The following CHCHD6 variants were observed in gnomAD, a reference collection of about 807,000 sequenced individuals.
CHCHD6 encodes the protein coiled-coil-helix-coiled-coil-helix domain containing 6, also known as MICOS complex subunit MIC25.
A neutral mutation model predicts 32.3 loss-of-function variants in CHCHD6; 28 were observed. The ratio of observed to expected loss-of-function variants is 0.87; its 90% CI spans 0.64 to 1.19. The LOEUF (loss-of-function observed/expected upper bound fraction) is 1.19, where lower values mean the gene tolerates loss of function less well. Ranked by LOEUF, CHCHD6 falls within the 50% of genes most tolerant of loss-of-function variation. The probability of loss-of-function intolerance (pLI) is 0.00; values close to 1 mark genes in which losing one functional copy is unlikely to be tolerated. For synonymous variants in CHCHD6, 122 were observed against 117.5 expected (o/e 1.04, Z -0.25); for missense variants, 333 against 307.0 (o/e 1.08, Z -0.63).
At chr3:126,782,886 T>A (rs1938014439) in intron 4 of CHCHD6, among the ~76,000 whole-genome samples, 1 of 152,144 alleles carries the variant, frequency 6.6e-6, no homozygotes, top group Admixed American at 6.5e-5. Flanking sequence ...GGGGAATGGA[T>A]GCTGGGCAGG....
At chr3:126,837,668 G>A (rs1023766025) in intron 4 of CHCHD6, among the ~76,000 whole-genome samples, 8 of 152,284 alleles carry the variant, frequency 5.3e-5, no homozygotes, top group Non-Finnish European at 1.0e-4. Flanking sequence ...GTAATAAATG[G>A]TCACTGTTGC....
At chr3:126,870,423 G>A (rs149586523) in intron 5 of CHCHD6, among the ~76,000 whole-genome samples, 52 of 152,048 alleles carry the variant, frequency 3.4e-4, no homozygotes, top group African/African-American at 1.2e-3. Flanking sequence ...GCTGACTTGG[G>A]TTTTTTCCCC....
At chr3:126,878,790 GGA>G (rs1218562703) in intron 5 of CHCHD6, among the ~76,000 whole-genome samples, 3 of 152,206 alleles carry the variant, frequency 2.0e-5, no homozygotes, top group Non-Finnish European at 2.9e-5. Flanking sequence ...AGCAGGGAAG[GGA>G]TATGGTTGCA....
rs559233607 is a variant in CHCHD6, at chr3:126,874,425, A to G, written c.495+21695A>G. ...CAACGTCTGGGCAGGGAGAGGGCAC[A>G]AGCAGCTGAGCCCGTCAGGATGTGT... On this transcript the variant is annotated intron_variant, in intron 5 of 7. Coordinates refer to ENST00000290913, the MANE Select transcript of CHCHD6 (RefSeq NM_032343.3). Among the ~76,000 whole-genome samples the G allele has an allele frequency of 2.0e-5, 3 of 152,264 alleles. No individual in the cohort carries two copies. The East Asian group carries it at 5.8e-4, about 30-fold the overall frequency.
At chr3:126,833,082 G>T (rs879649601) in intron 4 of CHCHD6, among the ~76,000 whole-genome samples, 1 of 152,218 alleles carries the variant, frequency 6.6e-6, no homozygotes, top group Non-Finnish European at 1.5e-5. Flanking sequence ...GTAGTCTGTT[G>T]CATGTGTGCA....
At chr3:126,764,200 CATATAT>C (rs143293559) in intron 4 of CHCHD6, among the ~76,000 whole-genome samples, 717 of 139,806 alleles carry the variant, frequency 5.1e-3, no homozygotes, top group Non-Finnish European at 8.3e-3. Flanking sequence ...TACATACATG[CATATAT>C]ATATATATAT....
intron 4 of CHCHD6, among the ~76,000 whole-genome samples, chr3:126,824,581 A>AAAAAAAAAAAAAT (rs1940306562): frequency 6.8e-6 from 1 of 147,386 alleles, no homozygotes; most frequent in African/African-American, 2.5e-5. Context: ...AAAAAAAAAA[A>AAAAAAAAAAAAAT]GTCAAATGTT....
chr3:126,959,599 C>T lies in CHCHD6; in HGVS notation c.703-597C>T, dbSNP rs895177259. Among the ~76,000 whole-genome samples, 3 of 152,336 alleles carry T rather than the reference C, an allele frequency of 2.0e-5. 1 individual carries two copies. Reference sequence around the variant, plus strand: ...CATGGTCAAGGGCCTTGGGGTGGGGCAGCACTGCTTCTCTCTCCAGGATCT... The same window carrying T: ...CATGGTCAAGGGCCTTGGGGTGGGGTAGCACTGCTTCTCTCTCCAGGATCT... On this transcript the variant is annotated intron_variant, in intron 7 of 7. Coordinates refer to ENST00000290913, the MANE Select transcript of CHCHD6 (RefSeq NM_032343.3).
chr3:126,898,135 T>G (rs1189946790), intron 5 of CHCHD6, among the ~76,000 whole-genome samples: 2 of 152,260 alleles, frequency 1.3e-5, no homozygotes, highest in African/African-American at 4.8e-5. Context: ...CAGGACCCAG[T>G]GCAAGGTCAG....
rs570415301 is a variant in CHCHD6, at chr3:126,889,567, T to C, written c.496-25113T>C. On this transcript the variant is annotated intron_variant, in intron 5 of 7. Transcript: ENST00000290913. ...CTGGCAGGTGCCTGCAGGAGCAGAC[T>C]GTGCCCATCACACTTGCCTCTGTGC... Among the ~76,000 whole-genome samples, 4 of 152,338 alleles carry C rather than the reference T, an allele frequency of 2.6e-5. No homozygotes were observed. In the South Asian group the frequency reaches 8.3e-4, roughly 32 times the overall value.
intron 5 of CHCHD6, among the ~76,000 whole-genome samples, chr3:126,908,499 C>T (rs895446151): frequency 2.6e-5 from 4 of 152,192 alleles, no homozygotes; most frequent in African/African-American, 9.7e-5. Context: ...ATCATCTTGT[C>T]GGATTTTCTG....
intron 4 of CHCHD6, among the ~76,000 whole-genome samples, chr3:126,849,603 T>G (rs1384623798): frequency 6.6e-6 from 1 of 152,206 alleles, no homozygotes; most frequent in African/African-American, 2.4e-5. Flanking sequence ...GAGTCAACAT[T>G]CTTAATTTCA....
At chr3:126,781,623 T>TA (rs1937946601) in intron 4 of CHCHD6, among the ~76,000 whole-genome samples, 2 of 152,208 alleles carry the variant, frequency 1.3e-5, no homozygotes, top group Non-Finnish European at 2.9e-5. Context: ...CTTCAGTCTG[T>TA]AGAAAGATGC....
At chr3:126,761,270 T>C (rs1937152815) in intron 4 of CHCHD6, among the ~76,000 whole-genome samples, 1 of 152,232 alleles carries the variant, frequency 6.6e-6, no homozygotes, top group Non-Finnish European at 1.5e-5. Flanking sequence ...CTCCACATCT[T>C]GGAGATGAGA....
chr3:126,813,095 T>C (rs1024494277), intron 4 of CHCHD6, among the ~76,000 whole-genome samples: 4 of 152,212 alleles, frequency 2.6e-5, no homozygotes, highest in African/African-American at 9.6e-5. Flanking sequence ...TCTGTGAAAT[T>C]TCTTACCTAT....
intron 4 of CHCHD6, among the ~76,000 whole-genome samples, chr3:126,745,638 G>T (rs889304603): frequency 2.6e-5 from 4 of 152,166 alleles, no homozygotes; most frequent in Non-Finnish European, 5.9e-5. Flanking sequence ...GCTGTTACCA[G>T]GTTGCTAATG....
chr3:126,925,780 T>A (rs1307387937), intron 6 of CHCHD6, among the ~76,000 whole-genome samples: 1 of 152,214 alleles, frequency 6.6e-6, no homozygotes, highest in Non-Finnish European at 1.5e-5. Flanking sequence ...GGGGCCACCA[T>A]CCACAGAAGA....
chr3:126,862,237 A>T (rs1468567427), intron 5 of CHCHD6, among the ~76,000 whole-genome samples: 3 of 103,622 alleles, frequency 2.9e-5, no homozygotes, highest in Non-Finnish European at 3.9e-5. Flanking sequence ...CTCCTCCTCC[A>T]TCACCACCTC....
chr3:126,913,207 CTTTTTTTTTTTTTTTTTTTTTTTT>C (rs546179022), intron 5 of CHCHD6, among the ~76,000 whole-genome samples: 1 of 33,746 alleles, frequency 3.0e-5, no homozygotes, highest in Non-Finnish European at 5.1e-5. Context: ...CCGTATGAGC[CTTTTTTTTTTTTTTTTTTTTTTTT>C]TTTTTTTTTT....
Sources: allele counts gnomAD v4.1 joint callset (sites outside exome capture counted in the v4.1 genomes callset), GRCh38; gene constraint gnomAD v4.1.1; transcripts MANE v1.5; gene names NCBI Gene and HGNC (gene_info 2026-07-23, HGNC 2026-07-21).